Variants in NLRP14 observed in about 807,000 individuals in gnomAD.
NLRP14 encodes the protein NLR family pyrin domain containing 14, also known as NACHT, LRR and PYD domains-containing protein 14.
Under a neutral mutation model 94.7 loss-of-function variants are expected in NLRP14, and 105 were observed. That is an observed-to-expected ratio of 1.11 (90% CI 0.95 to 1.30). NLRP14 has a LOEUF of 1.30. Among genes scored for constraint, NLRP14 ranks in the 50% most tolerant of loss-of-function variants. NLRP14 has a pLI of 0.00. For missense variants in NLRP14, 1,362 were observed against 1,254.1 expected (o/e 1.09, Z -1.30); for synonymous variants, 508 against 459.9 (o/e 1.10, Z -1.34).
chr11:7,076,996 G>A, the NLRP14 span, among the ~76,000 whole-genome samples: 22 of 152,308 alleles, frequency 1.4e-4, no homozygotes, highest in African/African-American at 5.3e-4. Context: ...TTGTTATCAT[G>A]GGAAGCCCCG....
rs1852774474 is a variant in NLRP14 at position 7,070,379 on chromosome 11, G to A, written c.3069G>A (p.Gln1023=). ...NKRLIKMNLT[Q]NTLGYEGIVK... is the part of the protein sequence containing the mutation. Reference sequence around the variant, plus strand: ...GACTGATAAAAATGAATCTGACACAGAATACCTTAGGATATGAAGGAATTG... The same window carrying A: ...GACTGATAAAAATGAATCTGACACAAAATACCTTAGGATATGAAGGAATTG... Residue 1023 remains glutamine, a synonymous_variant, in exon 11 of 12, where the codon CAG becomes CAA. Coordinates refer to ENST00000299481, the MANE Select transcript of NLRP14 (RefSeq NM_176822.4). 5.0e-6 allele frequency: 8 copies of A among 1,606,812 alleles called. No homozygotes were observed. Among genetic ancestry groups the A allele is most frequent in the Non-Finnish European group, 6.8e-6 (8 of 1,173,556 alleles).
rs773002965 is a variant in NLRP14 at position 7,038,606 on chromosome 11, CTTCT to C, written c.28_31del (p.Phe10LeufsTer12). On this transcript the variant is annotated frameshift_variant, in exon 2 of 12. Transcript: ENST00000299481. LOFTEE classifies it high-confidence loss of function. ...GACAAGATGGCAGATTCATCATCATCTTCTTTCTTTCCTGATTTTGGGCTGCTAT... is the reference window on the plus strand; with the variant it reads ...GACAAGATGGCAGATTCATCATCATCTTCTTTCCTGATTTTGGGCTGCTAT... 1 of 1,613,966 alleles carries C rather than the reference CTTCT, an allele frequency of 6.2e-7. No homozygotes were observed. The highest frequency in any genetic ancestry group is 1.1e-5 in the South Asian group (1 of 91,068).
chr11:7,081,469 T>C, the NLRP14 span, among the ~76,000 whole-genome samples: 7 of 152,006 alleles, frequency 4.6e-5, no homozygotes, highest in Non-Finnish European at 5.9e-5. Context: ...AGTGGAAGAG[T>C]TCTTGTTTGT....
At chr11:7,027,352 T>G (rs912240400) in intron 1 of NLRP14, among the ~76,000 whole-genome samples, 1 of 152,086 alleles carries the variant, frequency 6.6e-6, no homozygotes, top group African/African-American at 2.4e-5. Context: ...ACCAGCAGAT[T>G]CAGTTTAGTG....
chr11:7,039,543 T>G (rs1852216226), intron 2 of NLRP14, among the ~76,000 whole-genome samples, 171 bp from the exon 3 acceptor site: 1 of 152,174 alleles, frequency 6.6e-6, no homozygotes, highest in Non-Finnish European at 1.5e-5. Flanking sequence ...TCACATTGTT[T>G]CTTCTCTCAG....
chr11:7,035,723 C>A (rs957234119), intron 1 of NLRP14, among the ~76,000 whole-genome samples: 1 of 152,154 alleles, frequency 6.6e-6, no homozygotes, highest in East Asian at 1.9e-4. Flanking sequence ...AGGTGAGATT[C>A]CCTTCTCCCT....
the NLRP14 span, among the ~76,000 whole-genome samples, chr11:7,080,382 C>T: frequency 5.3e-5 from 8 of 152,282 alleles, no homozygotes; most frequent in East Asian, 5.8e-4. Context: ...GGGGTTCCTA[C>T]GATGCCCTCA....
chr11:7,039,361 AT>A (rs1852212223), intron 2 of NLRP14, among the ~76,000 whole-genome samples: 1 of 151,670 alleles, frequency 6.6e-6, no homozygotes, highest in Admixed American at 6.6e-5. Context: ...TTAGAGTTAT[AT>A]ATATATATGT....
At position 7,030,226 on chromosome 11, in the gene NLRP14, G is replaced by T. The variant is rs144033325; in HGVS notation, c.-21-8340G>T. On this transcript the variant is annotated intron_variant, in intron 1 of 11. Transcript: ENST00000299481. Reference sequence around the variant, plus strand: ...CTATTAGCTTCTAAGACTGTCTTCAGGGGCCAAGGCCATGAATTCATCTTA... The same window carrying T: ...CTATTAGCTTCTAAGACTGTCTTCATGGGCCAAGGCCATGAATTCATCTTA... 3.9e-3 allele frequency among the ~76,000 whole-genome samples: 599 copies of T among 152,318 alleles called. 1 individual carries two copies. Among genetic ancestry groups the T allele is most frequent in the Non-Finnish European group, 6.2e-3 (422 of 68,012 alleles).
chr11:7,022,454 TA>T (rs1485849485), intron 1 of NLRP14, among the ~76,000 whole-genome samples: 1 of 152,226 alleles, frequency 6.6e-6, no homozygotes, highest in Non-Finnish European at 1.5e-5. Context: ...GAATTTTCCA[TA>T]ATTTTGGTTA....
At chr11:7,036,091 A>G (rs1271644430) in intron 1 of NLRP14, among the ~76,000 whole-genome samples, 1 of 152,240 alleles carries the variant, frequency 6.6e-6, no homozygotes, top group Non-Finnish European at 1.5e-5. Flanking sequence ...CTAGGTCCTC[A>G]CAAATATAGT....
the NLRP14 span, chr11:7,090,356 A>C: frequency 6.6e-7 from 1 of 1,524,458 alleles, no homozygotes; most frequent in African/African-American, 1.4e-5. Flanking sequence ...AAAAAGAAGA[A>C]CCTGTTGTAT....
intron 4 of NLRP14, among the ~76,000 whole-genome samples, chr11:7,045,054 T>C (rs974632392): frequency 5.3e-5 from 8 of 152,228 alleles, no homozygotes; most frequent in African/African-American, 1.9e-4. Context: ...CATCTGATTG[T>C]AATTTCTTGG....
intron 6 of NLRP14, among the ~76,000 whole-genome samples, chr11:7,057,140 A>T (rs1852527958): frequency 6.6e-6 from 1 of 152,014 alleles, no homozygotes; most frequent in African/African-American, 2.4e-5. Context: ...CTCTACATGT[A>T]CTTTTTCTGT....
At chr11:7,089,809 GT>G in the NLRP14 span, 1 of 1,606,670 alleles carries the variant, frequency 6.2e-7, no homozygotes. Context: ...GAACCCCGGG[GT>G]TTTGCCCCCT....
At chr11:7,081,938 G>T in the NLRP14 span, among the ~76,000 whole-genome samples, 1 of 152,140 alleles carries the variant, frequency 6.6e-6, no homozygotes, top group African/African-American at 2.4e-5. Context: ...CATTCACAGA[G>T]TTTGTTTCTC....
At chr11:7,089,568 C>T in the NLRP14 span, 1 of 1,184,824 alleles carries the variant, frequency 8.4e-7, no homozygotes, top group Non-Finnish European at 1.0e-6. Flanking sequence ...GCCCATGAAG[C>T]GTGGGCCGCC....
chr11:7,034,561 T>C (rs1191616397), intron 1 of NLRP14, among the ~76,000 whole-genome samples: 2 of 152,174 alleles, frequency 1.3e-5, no homozygotes, highest in African/African-American at 2.4e-5. Context: ...CTTCAGTTGT[T>C]TATTTGCCAT....
rs1852539937 is a variant in NLRP14, at chr11:7,057,775, A to G, written c.2390A>G (p.Asn797Ser). ...ATATTTCTGAATCTGTCAACCAATA[A>G]TCTGTTGGATGATGGAGTGCAGCTT... ...SLIFLNLSTN[N>S]LLDDGVQLLC... The change falls in exon 7 of 12, where the codon AAT becomes AGT. Residue 797 changes from asparagine (N) to serine (S), a missense_variant. Transcript: ENST00000299481. 6.2e-7 allele frequency: 1 copy of G among 1,611,038 alleles called. No individual in the cohort carries two copies. Among genetic ancestry groups the G allele is most frequent in the South Asian group, 1.1e-5 (1 of 91,014 alleles).
Sources: allele counts gnomAD v4.1 joint callset (sites outside exome capture counted in the v4.1 genomes callset), GRCh38; gene constraint gnomAD v4.1.1; transcripts MANE v1.5; gene names NCBI Gene and HGNC (gene_info 2026-07-23, HGNC 2026-07-21).